TRPM7: variants seen among roughly 807,000 people sequenced by gnomAD.
TRPM7 encodes the protein transient receptor potential cation channel subfamily M member 7, also known as LTRPC ion channel family member 7.
In TRPM7, 134 loss-of-function variants were observed where a neutral mutation model predicts 229.7. The ratio of observed to expected loss-of-function variants is 0.58; its 90% CI spans 0.51 to 0.67. The LOEUF is 0.67. Among genes scored for constraint, TRPM7 ranks in the 30% least tolerant of loss-of-function variants. The pLI is 0.00. For missense variants in TRPM7, 1,901 were observed against 2,210.0 expected (o/e 0.86, Z 2.80); for synonymous variants, 699 against 715.2 (o/e 0.98, Z 0.36).
chr15:50,612,383 T>TTC (rs2060084333), intron 16 of TRPM7, among the ~76,000 whole-genome samples, 166 bp downstream of exon 16: 1 of 152,276 alleles, frequency 6.6e-6, no homozygotes, highest in Admixed American at 6.5e-5. Context: ...GGCAGAAAGT[T>TTC]TCTTTTAATT....
Position 50,616,478 on chromosome 15 carries a change from T to C in TRPM7, c.1495-2215A>G, listed in dbSNP as rs143869433. Among the ~76,000 whole-genome samples, 375 of 152,166 alleles carry C rather than the reference T, an allele frequency of 2.5e-3. 2 individuals carry two copies. The highest frequency in any genetic ancestry group is 8.6e-3 in the African/African-American group (357 of 41,524). On this transcript the variant is annotated intron_variant, in intron 13 of 38. Transcript: ENST00000646667. ...AATTATTTAAAAAGACCAAATCAAA[T>C]TGATGTGAAATGACCAGAATAAGCA...
chr15:50,588,317 C>T, intron 27 of TRPM7: 3 of 773,204 alleles, frequency 3.9e-6, no homozygotes, highest in Non-Finnish European at 3.1e-6. Flanking sequence ...AGGAAAAAAC[C>T]CAGGTAATCA....
chr15:50,572,425 T>C (rs2053935076), intron 36 of TRPM7, among the ~76,000 whole-genome samples: 1 of 152,252 alleles, frequency 6.6e-6, no homozygotes, highest in Non-Finnish European at 1.5e-5. Flanking sequence ...AGATAATTCT[T>C]ACTATTTTTT....
At chr15:50,623,113 T>A (rs535503661) in intron 12 of TRPM7, among the ~76,000 whole-genome samples, 55 of 152,094 alleles carry the variant, frequency 3.6e-4, no homozygotes, top group African/African-American at 1.1e-3. Flanking sequence ...TGCTTTTTTT[T>A]AAAAAAGTTT....
At chr15:50,610,114 T>C (rs944830606) in intron 17 of TRPM7, among the ~76,000 whole-genome samples, 153 bp from the exon 18 acceptor site, 2 of 152,078 alleles carry the variant, frequency 1.3e-5, no homozygotes, top group Non-Finnish European at 2.9e-5. Flanking sequence ...AAACAACAAA[T>C]TGATTTTTTA....
At chr15:50,579,587 C>A (rs1053474096) in intron 30 of TRPM7, among the ~76,000 whole-genome samples, 1 of 152,108 alleles carries the variant, frequency 6.6e-6, no homozygotes, top group African/African-American at 2.4e-5. Flanking sequence ...TTGTTAGACA[C>A]CGGAATTAAC....
At chr15:50,656,496 TTTC>T (rs1171312871) in intron 3 of TRPM7, among the ~76,000 whole-genome samples, 1 of 146,972 alleles carries the variant, frequency 6.8e-6, no homozygotes, top group Non-Finnish European at 1.5e-5. Context: ...TGTGTGTGGT[TTTC>T]TTTTTTTTTT....
intron 27 of TRPM7, chr15:50,588,201 G>A (rs2059392469): frequency 1.0e-6 from 1 of 982,798 alleles, no homozygotes; most frequent in Non-Finnish European, 1.2e-6. Flanking sequence ...CTCATATTTA[G>A]GCATCTCTGT....
chr15:50,569,934 C>T lies in TRPM7; in HGVS notation c.5420G>A (p.Arg1807Lys). The change falls in exon 38 of 39, where the codon AGA becomes AAA. Residue 1807 changes from arginine to lysine, a missense_variant. Transcript: ENST00000646667. ...GCAAGAATTACAGTGATGTTTTGCT[C>T]TGAAGTTTTTAATTGCATCTTCTCC... Reference protein sequence around the residue: ...NLGEDAIKNFRAKHHCNSCCR... With the variant: ...NLGEDAIKNFKAKHHCNSCCR... 6.2e-7 allele frequency: 1 copy of T among 1,612,440 alleles called. No individual in the cohort carries two copies. The highest frequency in any genetic ancestry group is 1.7e-4 in the Middle Eastern group (1 of 6,054).
At chr15:50,672,660 A>G (rs1464570339) in intron 1 of TRPM7, among the ~76,000 whole-genome samples, 1 of 152,044 alleles carries the variant, frequency 6.6e-6, no homozygotes, top group Admixed American at 6.6e-5. Flanking sequence ...CTGTAACCCC[A>G]GCACTTTGGG....
intron 4 of TRPM7, among the ~76,000 whole-genome samples, chr15:50,644,006 T>C (rs2061187614): frequency 6.6e-6 from 1 of 152,174 alleles, no homozygotes; most frequent in African/African-American, 2.4e-5. Flanking sequence ...TACTGAATTA[T>C]TTGTATGAAA....
chr15:50,621,969 G>A (rs1413836935), intron 12 of TRPM7, among the ~76,000 whole-genome samples: 2 of 151,894 alleles, frequency 1.3e-5, no homozygotes, highest in Non-Finnish European at 2.9e-5. Context: ...GGTGGAGGTC[G>A]CATTGAGCCA....
chr15:50,683,894 G>C (rs1028917302), intron 1 of TRPM7, among the ~76,000 whole-genome samples: 2 of 151,436 alleles, frequency 1.3e-5, no homozygotes, highest in African/African-American at 4.8e-5. Context: ...TTTTGAGAAA[G>C]ACTCTCACCC....
intron 25 of TRPM7, among the ~76,000 whole-genome samples, chr15:50,593,360 T>G (rs922484165): frequency 3.3e-5 from 5 of 151,976 alleles, no homozygotes; most frequent in African/African-American, 1.2e-4. Flanking sequence ...GTGAGGACAG[T>G]TTTACTTTTC....
intron 30 of TRPM7, among the ~76,000 whole-genome samples, chr15:50,580,014 T>C (rs1242417123): frequency 6.6e-6 from 1 of 152,146 alleles, no homozygotes; most frequent in Non-Finnish European, 1.5e-5. Context: ...GCTCAAGCGA[T>C]CCACCCACCT....
At chr15:50,628,121 GTAT>G (rs755578539) in intron 11 of TRPM7, 25 bp downstream of exon 11, 228 of 1,459,334 alleles carry the variant, frequency 1.6e-4, no homozygotes, top group Non-Finnish European at 9.3e-5. Context: ...TAATTTAATT[GTAT>G]TGTGTATGTA....
chr15:50,624,825 G>C (rs562349850), intron 11 of TRPM7, among the ~76,000 whole-genome samples: 2 of 152,186 alleles, frequency 1.3e-5, no homozygotes, highest in South Asian at 2.1e-4. Flanking sequence ...CCTTACAAAT[G>C]AACACAAAGT....
At chr15:50,657,970 T>G (rs533177832) in intron 2 of TRPM7, 151 bp from the exon 3 acceptor site, 60 of 535,426 alleles carry the variant, frequency 1.1e-4, no homozygotes, top group African/African-American at 1.1e-3. Flanking sequence ...CCTTGATTTA[T>G]AATTCAAATA....
chr15:50,653,134 A>T lies in TRPM7; in HGVS notation c.123-4249T>A, dbSNP rs2140869566. Among the ~76,000 whole-genome samples, 3 of 152,180 alleles carry T rather than the reference A, an allele frequency of 2.0e-5. 1 individual carries two copies. The East Asian group carries it at 5.8e-4, about 29-fold the overall frequency. On this transcript the variant is annotated intron_variant, in intron 3 of 38. Coordinates refer to ENST00000646667, the MANE Select transcript of TRPM7 (RefSeq NM_017672.6). Reference sequence around the variant, plus strand: ...ACTCCAGTCTGGGCCACAGAGTGAGACCCTGTTTCCCCACTCCCCCCAAAA... The same window carrying T: ...ACTCCAGTCTGGGCCACAGAGTGAGTCCCTGTTTCCCCACTCCCCCCAAAA...
Sources: allele counts gnomAD v4.1 joint callset (sites outside exome capture counted in the v4.1 genomes callset), GRCh38; gene constraint gnomAD v4.1.1; transcripts MANE v1.5; gene names NCBI Gene and HGNC (gene_info 2026-07-23, HGNC 2026-07-21).